Variants in SORCS2 observed in about 807,000 individuals in gnomAD.
SORCS2 encodes the protein sortilin related VPS10 domain containing receptor 2.
Under a neutral mutation model 141.6 loss-of-function variants are expected in SORCS2, and 100 were observed. The ratio of observed to expected loss-of-function variants is 0.71; its 90% CI spans 0.60 to 0.83. SORCS2 has a LOEUF of 0.83. Ranked by LOEUF, SORCS2 falls within the 40% of genes least tolerant of loss-of-function variation. The pLI is 0.00. For synonymous variants in SORCS2, 789 were observed against 676.9 expected, an observed-to-expected ratio of 1.17 and a Z score of -2.57; for missense variants, 1,646 against 1,560.2, an observed-to-expected ratio of 1.05 and a Z score of -0.93.
chr4:7,196,870 A>T (rs979971723), intron 1 of SORCS2, among the ~76,000 whole-genome samples: 6 of 152,184 alleles, frequency 3.9e-5, no homozygotes, highest in African/African-American at 1.4e-4. Flanking sequence ...GAGGTCAAGA[A>T]CTAATGGTAT....
At chr4:7,319,955 G>A (rs1718795782) in intron 1 of SORCS2, among the ~76,000 whole-genome samples, 1 of 152,108 alleles carries the variant, frequency 6.6e-6, no homozygotes, top group African/African-American at 2.4e-5. Context: ...TCTTACAGAT[G>A]GTTGAGTTGG....
At chr4:7,366,231 C>T (rs964432103) in intron 1 of SORCS2, among the ~76,000 whole-genome samples, 56 of 152,212 alleles carry the variant, frequency 3.7e-4, no homozygotes, top group African/African-American at 1.3e-3. Flanking sequence ...CCCTTTCCTC[C>T]CTTCCGTCCT....
At chr4:7,410,123 C>T (rs1725208819) in intron 2 of SORCS2, among the ~76,000 whole-genome samples, 1 of 152,240 alleles carries the variant, frequency 6.6e-6, no homozygotes, top group African/African-American at 2.4e-5. Flanking sequence ...AAGCCTTCTG[C>T]AGAGTGTCTT....
intron 1 of SORCS2, among the ~76,000 whole-genome samples, chr4:7,240,806 C>T (rs1403766888): frequency 6.6e-6 from 1 of 152,218 alleles, no homozygotes; most frequent in Non-Finnish European, 1.5e-5. Context: ...CCAAAACACC[C>T]TGAGAGTAGG....
intron 3 of SORCS2, among the ~76,000 whole-genome samples, chr4:7,564,251 T>A (rs773799941): frequency 5.9e-5 from 9 of 152,208 alleles, no homozygotes; most frequent in Non-Finnish European, 1.0e-4. Context: ...ATATTCTCTC[T>A]ACTTCTCCAG....
rs951534884 is a variant in SORCS2 at position 7,637,206 on chromosome 4, C to T, written c.649-1122C>T. On this transcript the variant is annotated intron_variant, in intron 3 of 26. Transcript: ENST00000507866. ...GGATGTTGACGAATCTTTTTGGGGT[C>T]ACTAAACAACCCACTGTGCTGCTGT... is the stretch of plus-strand genomic sequence containing the variant. Among the ~76,000 whole-genome samples the T allele has an allele frequency of 3.9e-5, 6 of 152,188 alleles. No homozygotes were observed. The East Asian group carries it at 5.8e-4, about 15-fold the overall frequency.
chr4:7,309,806 G>A (rs981532709), intron 1 of SORCS2, among the ~76,000 whole-genome samples: 5 of 152,168 alleles, frequency 3.3e-5, no homozygotes, highest in Non-Finnish European at 5.9e-5. Context: ...CCTGAGGCCC[G>A]CGTAACCCAC....
intron 3 of SORCS2, among the ~76,000 whole-genome samples, chr4:7,633,079 A>C (rs1353493924): frequency 6.6e-6 from 1 of 152,222 alleles, no homozygotes; most frequent in Admixed American, 6.5e-5. Context: ...ATTTGAAAGA[A>C]GCTATTTTGA....
At chr4:7,557,773 G>A (rs1235323378) in intron 3 of SORCS2, among the ~76,000 whole-genome samples, 1 of 152,182 alleles carries the variant, frequency 6.6e-6, no homozygotes, top group Non-Finnish European at 1.5e-5. Flanking sequence ...CTGAGACTTG[G>A]CCTGCCCCGA....
At chr4:7,543,520 CGTCCATCCATCCACTT>C (rs1712882560) in intron 3 of SORCS2, among the ~76,000 whole-genome samples, 1 of 129,006 alleles carries the variant, frequency 7.8e-6, no homozygotes, top group African/African-American at 2.6e-5. Flanking sequence ...TCCATCCATC[CGTCCATCCATCCACTT>C]ATCCATCCGT....
At chr4:7,207,068 C>T (rs1727784389) in intron 1 of SORCS2, among the ~76,000 whole-genome samples, 2 of 152,180 alleles carry the variant, frequency 1.3e-5, no homozygotes, top group South Asian at 4.1e-4. Flanking sequence ...TGCTAACGTG[C>T]TCATCCATCC....
intron 1 of SORCS2, among the ~76,000 whole-genome samples, chr4:7,377,243 A>T (rs897095432): frequency 6.6e-6 from 1 of 151,954 alleles, no homozygotes; most frequent in Non-Finnish European, 1.5e-5. Context: ...ACCATTCCCC[A>T]GTAGGGGTTG....
rs897679448 is a variant in SORCS2 at position 7,741,803 on chromosome 4, G to C, written c.*1539G>C. The stretch of plus-strand genomic sequence containing the variant: ...CTCCCATCCACCATGTCTGAGCTTG[G>C]GGGAATTGCCTCATTTCCCCTGGAA... On this transcript the variant is annotated 3_prime_UTR_variant, in exon 27 of 27. Transcript: ENST00000507866. 2 of 152,664 alleles carry C rather than the reference G, an allele frequency of 1.3e-5. No individual in the cohort carries two copies. Among genetic ancestry groups the C allele is most frequent in the African/African-American group, 4.8e-5 (2 of 41,434 alleles). 9.5% of individuals were successfully genotyped at this position (152,664 alleles called of 1,614,324 possible). A position where few individuals can be genotyped will look rare whatever the true frequency, so the allele number is the denominator to read the frequency against.
intron 3 of SORCS2, among the ~76,000 whole-genome samples, chr4:7,540,181 C>T (rs189332119): frequency 3.3e-5 from 4 of 121,840 alleles, no homozygotes; most frequent in Non-Finnish European, 5.1e-5. Flanking sequence ...CCTCCCTGCC[C>T]CTCCCTGCCC....
chr4:7,451,843 C>T (rs1728482120), intron 2 of SORCS2, among the ~76,000 whole-genome samples: 1 of 152,216 alleles, frequency 6.6e-6, no homozygotes, highest in South Asian at 2.1e-4. Flanking sequence ...GAAGCCCCTC[C>T]AGGCTTCTCA....
intron 17 of SORCS2, among the ~76,000 whole-genome samples, chr4:7,717,732 G>A (rs1430060858): frequency 1.3e-5 from 2 of 151,060 alleles, no homozygotes; most frequent in East Asian, 3.9e-4. Flanking sequence ...TACTGTTACT[G>A]TGAGTAATAT....
chr4:7,402,965 G>T (rs552043848), intron 2 of SORCS2, among the ~76,000 whole-genome samples: 1 of 151,876 alleles, frequency 6.6e-6, no homozygotes, highest in Non-Finnish European at 1.5e-5. Context: ...GTCATTTCCA[G>T]GCCCCTTAAT....
At chr4:7,440,206 G>A (rs551909730) in intron 2 of SORCS2, among the ~76,000 whole-genome samples, 2 of 152,188 alleles carry the variant, frequency 1.3e-5, no homozygotes, top group Non-Finnish European at 1.5e-5. Context: ...ATTAGGGAGC[G>A]GGGGAGGAGG....
chr4:7,670,270 C>A (rs191318572), intron 8 of SORCS2, among the ~76,000 whole-genome samples: 1 of 152,038 alleles, frequency 6.6e-6, no homozygotes, highest in East Asian at 1.9e-4. Context: ...AAGGGTGGGC[C>A]GTTTTTATAT....
Sources: gnomAD v4.1 joint callset for allele counts (sites outside exome capture counted in the v4.1 genomes callset) on GRCh38, gnomAD v4.1.1 for gene constraint, MANE v1.5 for transcripts, NCBI Gene and HGNC (gene_info 2026-07-23, HGNC 2026-07-21) for gene names.